HBP1: variants seen among roughly 807,000 people sequenced by gnomAD.
The protein encoded by HBP1 is HMG-box transcription factor 1.
Under a neutral mutation model 62.6 loss-of-function variants are expected in HBP1, and 20 were observed. That is an observed-to-expected ratio of 0.32 (90% confidence interval 0.22 to 0.46). The LOEUF is 0.46. HBP1 is among the 20% of genes least tolerant of loss of function. The pLI, the probability that HBP1 is intolerant of heterozygous loss-of-function variation, is 1.00. For synonymous variants in HBP1, 232 were observed against 206.2 expected, an observed-to-expected ratio of 1.12 and a Z score of -1.07; for missense variants, 480 against 611.8, an observed-to-expected ratio of 0.78 and a Z score of 2.27.
Position 107,171,073 on chromosome 7 carries a change from A to ATATATTTTTTTTTTT in HBP1, c.-16+1889_-16+1890insATATTTTTTTTTTTT. 3.2e-4 allele frequency among the ~76,000 whole-genome samples: 28 copies of ATATATTTTTTTTTTT among 87,200 alleles called. 2 individuals carry two copies. The highest frequency in any genetic ancestry group is 1.8e-3 in the African/African-American group (27 of 15,124). The allele number at this position is 87,200 out of a possible 152,430, so 57.2% of individuals were successfully genotyped here. ...TATATATATATATATATATATATAT[A>ATATATTTTTTTTTTT]TTTTTTTTTTTTTTTGAGAGGGAGT... is the stretch of plus-strand genomic sequence containing the variant. On this transcript the variant is annotated intron_variant, in intron 1 of 10. Coordinates refer to ENST00000222574, the MANE Select transcript of HBP1 (RefSeq NM_012257.4).
chr7:107,173,389 A>G (rs1796695538), intron 1 of HBP1: 1 of 152,172 alleles, frequency 6.6e-6, no homozygotes, highest in South Asian at 2.1e-4. Context: ...GATTCAGGGA[A>G]TAATAGGCAC....
intron 9 of HBP1, among the ~76,000 whole-genome samples, chr7:107,198,944 C>T (rs1220490717): frequency 1.3e-5 from 2 of 152,150 alleles, no homozygotes; most frequent in African/African-American, 4.8e-5. Context: ...ATCTCATGTT[C>T]TTTCCTACTG....
intron 3 of HBP1, among the ~76,000 whole-genome samples, chr7:107,183,107 T>C (rs978526149): frequency 2.2e-4 from 33 of 152,326 alleles, no homozygotes; most frequent in African/African-American, 7.7e-4. Flanking sequence ...CTGTTTCATA[T>C]ATCCAGACAG....
intron 6 of HBP1, among the ~76,000 whole-genome samples, chr7:107,187,946 C>T (rs570047078): frequency 1.3e-5 from 2 of 152,288 alleles, no homozygotes; most frequent in Admixed American, 1.3e-4. Context: ...ATAATGTCAG[C>T]AGCACCTCCA....
intron 1 of HBP1, among the ~76,000 whole-genome samples, chr7:107,179,435 G>C (rs758309775): frequency 4.5e-4 from 68 of 152,164 alleles, no homozygotes; most frequent in Admixed American, 2.4e-3. Flanking sequence ...CGGGTCTAAA[G>C]GATTTGAGGG....
At position 107,201,502 on chromosome 7, in the gene HBP1, T is replaced by A; in HGVS notation, c.*71T>A. 1.1e-6 allele frequency: 1 copy of A among 941,190 alleles called. No homozygotes were observed. The allele number at this position is 941,190 out of a possible 1,614,324, so 58.3% of individuals were successfully genotyped here. ...CTCTTGATGGAAAGACTTAAGAAGA[T>A]CAAGGTCTCACCATTTGTCCTCAAT... On this transcript the variant is annotated 3_prime_UTR_variant, in exon 11 of 11. Coordinates refer to ENST00000222574, the MANE Select transcript of HBP1 (RefSeq NM_012257.4).
At chr7:107,181,227 A>T (rs1004037160) in intron 2 of HBP1, among the ~76,000 whole-genome samples, 1 of 152,194 alleles carries the variant, frequency 6.6e-6, no homozygotes, top group African/African-American at 2.4e-5. Context: ...TCACGCTAGT[A>T]ATCGCAGCAC....
At chr7:107,194,938 C>T (rs1797817676) in intron 8 of HBP1, among the ~76,000 whole-genome samples, 1 of 152,220 alleles carries the variant, frequency 6.6e-6, no homozygotes, top group Admixed American at 6.5e-5. Flanking sequence ...TGTTATTAGG[C>T]TATGTTATAG....
At position 107,202,046 on chromosome 7, in the gene HBP1, C is replaced by T. The variant is rs1798362437; in HGVS notation, c.*615C>T. On this transcript the variant is annotated 3_prime_UTR_variant, in exon 11 of 11. Transcript: ENST00000222574. ...GTTACCATGGCATGCTGAGTTGATG[C>T]ACCAGGTGGCAGCAGCCATCCGTTA... 2 of 152,698 alleles carry T rather than the reference C, an allele frequency of 1.3e-5. No homozygotes were observed. The highest frequency in any genetic ancestry group is 2.4e-5 in the African/African-American group (1 of 41,448). 9.5% of individuals were successfully genotyped at this position (152,698 alleles called of 1,614,324 possible).
chr7:107,198,149 T>TTTTG (rs1367773920), intron 9 of HBP1, among the ~76,000 whole-genome samples: 1 of 152,326 alleles, frequency 6.6e-6, no homozygotes, highest in East Asian at 1.9e-4. Context: ...TCTTTAGATG[T>TTTTG]TTTGTTTTCT....
At position 107,186,472 on chromosome 7, in the gene HBP1, G is replaced by A; in HGVS notation, c.652G>A (p.Gly218Ser). ...PSTVWHCFLK[G>S]TRLCFHKGSN... ...AACTGTCTGGCACTGTTTTTTGAAA[G>A]GTAAAACAAACAAACAAACAAAAAC... Residue 218 changes from glycine to serine, a missense_variant and splice_region_variant, in exon 5 of 11, where the codon GGC (glycine) becomes AGC (serine). Around this residue, in one of 4 missense-constraint regions of HBP1, gnomAD observed 304 missense variants for 330.9 expected, o/e 0.92. Coordinates refer to ENST00000222574, the MANE Select transcript of HBP1 (RefSeq NM_012257.4). The A allele has an allele frequency of 6.2e-7, 1 of 1,601,656 alleles. No individual in the cohort carries two copies. The highest frequency in any genetic ancestry group is 8.5e-7 in the Non-Finnish European group (1 of 1,170,408).
chr7:107,194,010 T>G (rs1169393623), intron 8 of HBP1, among the ~76,000 whole-genome samples: 1 of 152,170 alleles, frequency 6.6e-6, no homozygotes, highest in Non-Finnish European at 1.5e-5. Context: ...CATTCTAAGC[T>G]TAAGGAATGG....
intron 9 of HBP1, among the ~76,000 whole-genome samples, chr7:107,198,962 C>T (rs1364024873): frequency 6.6e-6 from 1 of 152,114 alleles, no homozygotes; most frequent in Non-Finnish European, 1.5e-5. Context: ...CTGTGGATGA[C>T]TGAGATGGTG....
At chr7:107,179,002 C>T (rs1264416721) in intron 1 of HBP1, among the ~76,000 whole-genome samples, 1 of 152,066 alleles carries the variant, frequency 6.6e-6, no homozygotes, top group Admixed American at 6.5e-5. Flanking sequence ...CCACTGCACT[C>T]CAGCCTGGGT....
intron 1 of HBP1, among the ~76,000 whole-genome samples, chr7:107,176,265 C>G (rs916562105): frequency 2.6e-5 from 4 of 152,044 alleles, no homozygotes; most frequent in Non-Finnish European, 2.9e-5. Flanking sequence ...ACCTCGTGAT[C>G]CGCCCTCCTC....
chr7:107,191,781 A>G (rs1452834026), intron 8 of HBP1, among the ~76,000 whole-genome samples: 2 of 152,240 alleles, frequency 1.3e-5, no homozygotes, highest in African/African-American at 4.8e-5. Flanking sequence ...CCTTAGAAAT[A>G]AATAAAATAA....
rs572305191 is a variant in HBP1 at position 107,175,617 on chromosome 7, G to T, written c.-15-4262G>T. 2.0e-3 allele frequency among the ~76,000 whole-genome samples: 303 copies of T among 152,098 alleles called. 2 individuals are homozygous for T. The highest frequency in any genetic ancestry group is 6.9e-3 in the African/African-American group (286 of 41,484). Reference sequence around the variant, plus strand: ...ATGACACACAAGGCCATCCTACTTTGTGGTAAAACTAGATTCTATATTCTG... The same window carrying T: ...ATGACACACAAGGCCATCCTACTTTTTGGTAAAACTAGATTCTATATTCTG... On this transcript the variant is annotated intron_variant, in intron 1 of 10. Transcript: ENST00000222574.
rs1288759268 is a variant in HBP1, at chr7:107,195,992, C to T, written c.1226C>T (p.Ser409Phe). 9.3e-6 allele frequency: 15 copies of T among 1,614,006 alleles called. No individual in the cohort carries two copies. Among genetic ancestry groups the T allele is most frequent in the Non-Finnish European group, 1.2e-5 (14 of 1,180,014 alleles). The change falls in exon 9 of 11, where the codon TCT becomes TTT. Residue 409 changes from serine to phenylalanine, a missense_variant. Around this residue, in one of 4 missense-constraint regions of HBP1, gnomAD observed 66 missense variants for 56.4 expected, o/e 1.17. Coordinates refer to ENST00000222574, the MANE Select transcript of HBP1 (RefSeq NM_012257.4). ...GGCTCACCTGGATCATCACAGCTCT[C>T]TTCCAATTCTTTGTATGCTAAAGCT... ...NCGSPGSSQL[S>F]SNSLYAKAVK...
intron 10 of HBP1, 183 bp from the exon 11 acceptor site, chr7:107,201,231 C>A: frequency 2.2e-6 from 1 of 454,190 alleles, no homozygotes. Context: ...AATGTCTTAT[C>A]ATTGCATACA....
Sources: gnomAD v4.1 joint callset for allele counts (sites outside exome capture counted in the v4.1 genomes callset) on GRCh38, gnomAD v4.1.1 for gene constraint, gnomAD v4.1.1 regional missense constraint, MANE v1.5 for transcripts, NCBI Gene and HGNC (gene_info 2026-07-23, HGNC 2026-07-21) for gene names.